Variants in LRRFIP1 observed in about 807,000 individuals in gnomAD.
The protein encoded by LRRFIP1 is leucine-rich repeat flightless-interacting protein 1.
A neutral mutation model predicts 104.4 loss-of-function variants in LRRFIP1; 62 were observed. The ratio of observed to expected loss-of-function variants is 0.59; its 90% CI spans 0.48 to 0.73. The LOEUF (loss-of-function observed/expected upper bound fraction) is 0.73. Among genes scored for constraint, LRRFIP1 ranks in the 30% least tolerant of loss-of-function variants. The probability of loss-of-function intolerance (pLI) is 0.00; values close to 1 mark genes in which losing one functional copy is unlikely to be tolerated. For synonymous variants in LRRFIP1, 300 were observed against 299.0 expected, an observed-to-expected ratio of 1.00 and a Z score of -0.03; for missense variants, 796 against 824.5, an observed-to-expected ratio of 0.97 and a Z score of 0.42.
chr2:237,759,037 CAT>C (rs1255723175), intron 18 of LRRFIP1, among the ~76,000 whole-genome samples: 2 of 152,170 alleles, frequency 1.3e-5, no homozygotes, highest in Admixed American at 6.5e-5. Flanking sequence ...TGTTAATAAA[CAT>C]AGCCAATCTT....
At chr2:237,721,843 A>C (rs1315459218) in intron 6 of LRRFIP1, 2 of 152,272 alleles carry the variant, frequency 1.3e-5, no homozygotes, top group Non-Finnish European at 2.9e-5. Flanking sequence ...TGTGGTTCAA[A>C]TGTGAGGCCC....
Position 237,676,298 on chromosome 2 carries a change from GCAGTA to G in LRRFIP1, c.97-32245_97-32241del, listed in dbSNP as rs2091151163. ...TTTAAATGTACATACTTTAATGCAA[GCAGTA>G]TTGCATGACACCAGCCTGCCTTCTT... On this transcript the variant is annotated intron_variant, in intron 1 of 23. Transcript: ENST00000308482. Among the ~76,000 whole-genome samples the G allele has an allele frequency of 2.5e-4, 38 of 152,284 alleles. No homozygotes were observed. The South Asian group carries it at 7.5e-3, about 30-fold the overall frequency.
chr2:237,700,368 C>T (rs557924494), intron 1 of LRRFIP1, among the ~76,000 whole-genome samples: 2 of 152,318 alleles, frequency 1.3e-5, no homozygotes, highest in East Asian at 3.9e-4. Flanking sequence ...GTGGCCACTT[C>T]AGGCTTCGGC....
At chr2:237,747,920 A>C (rs550462443) in intron 11 of LRRFIP1, among the ~76,000 whole-genome samples, 1 of 152,262 alleles carries the variant, frequency 6.6e-6, no homozygotes, top group East Asian at 1.9e-4. Flanking sequence ...CCTGCAAACA[A>C]ACAAACAAAC....
intron 1 of LRRFIP1, among the ~76,000 whole-genome samples, chr2:237,698,438 A>G (rs760991971): frequency 6.6e-6 from 1 of 152,222 alleles, no homozygotes; most frequent in Non-Finnish European, 1.5e-5. Flanking sequence ...TCAGACCTTT[A>G]CTGAGAACAG....
At chr2:237,638,922 TG>T (rs748087550) in intron 1 of LRRFIP1, among the ~76,000 whole-genome samples, 28 of 152,244 alleles carry the variant, frequency 1.8e-4, no homozygotes, top group Non-Finnish European at 3.4e-4. Context: ...GGAACCTTTG[TG>T]GGGCTGTGGC....
chr2:237,759,246 T>C (rs1231745745), intron 18 of LRRFIP1, among the ~76,000 whole-genome samples: 1 of 152,100 alleles, frequency 6.6e-6, no homozygotes, highest in Non-Finnish European at 1.5e-5. Context: ...TGAGACCTAC[T>C]AGATTACAGG....
intron 1 of LRRFIP1, among the ~76,000 whole-genome samples, chr2:237,700,664 T>C (rs944925980): frequency 2.0e-5 from 3 of 152,234 alleles, no homozygotes; most frequent in African/African-American, 7.2e-5. Context: ...TGAGGAGAGC[T>C]GCTGTTCATG....
intron 1 of LRRFIP1, among the ~76,000 whole-genome samples, chr2:237,693,992 C>G (rs867484740): frequency 5.9e-5 from 9 of 152,196 alleles, no homozygotes; most frequent in Non-Finnish European, 1.0e-4. Context: ...GTGATCAGCC[C>G]AGGCCCACTG....
rs1285899632 is a variant in LRRFIP1, at chr2:237,717,393, C to T, written c.202-369C>T. Reference sequence around the variant, plus strand: ...GCTTCTCTTCGATGGTGTTTTATTCCTTCATCGCGTTTGCTTTGAAGGCAT... The same window carrying T: ...GCTTCTCTTCGATGGTGTTTTATTCTTTCATCGCGTTTGCTTTGAAGGCAT... On this transcript the variant is annotated intron_variant, in intron 3 of 23. Coordinates refer to ENST00000308482, the MANE Select transcript of LRRFIP1 (RefSeq NM_001137550.2). The surrounding 1 kb of genome is among the most constrained non-coding windows in gnomAD (Gnocchi z 4.2). Among the ~76,000 whole-genome samples the T allele has an allele frequency of 6.6e-6, 1 of 152,226 alleles. No individual in the cohort carries two copies. The highest frequency in any genetic ancestry group is 2.4e-5 in the African/African-American group (1 of 41,468).
At chr2:237,668,575 T>C (rs970105652) in intron 1 of LRRFIP1, among the ~76,000 whole-genome samples, 2 of 152,154 alleles carry the variant, frequency 1.3e-5, no homozygotes, top group Non-Finnish European at 2.9e-5. Context: ...ACTCCAGTTG[T>C]ACCGAGCTAC....
chr2:237,730,165 C>T (rs1186877233), intron 8 of LRRFIP1, among the ~76,000 whole-genome samples: 18 of 152,108 alleles, frequency 1.2e-4, no homozygotes, highest in Non-Finnish European at 2.4e-4. Context: ...GAAGAATGCT[C>T]TTGAATTCTT....
intron 8 of LRRFIP1, among the ~76,000 whole-genome samples, chr2:237,732,127 TCTC>T (rs1474227352): frequency 3.9e-5 from 6 of 152,212 alleles, no homozygotes; most frequent in African/African-American, 1.4e-4. Flanking sequence ...TTTGGCCCCA[TCTC>T]CTAGTTTTGT....
intron 2 of LRRFIP1, 58 bp from the exon 3 acceptor site, chr2:237,714,201 T>C (rs370076477): frequency 2.7e-5 from 33 of 1,218,070 alleles, no homozygotes; most frequent in African/African-American, 6.1e-5. Flanking sequence ...TTCATTCTGA[T>C]GTTACTGCTT....
At chr2:237,712,609 G>A (rs777152563) in intron 2 of LRRFIP1, among the ~76,000 whole-genome samples, 6 of 152,230 alleles carry the variant, frequency 3.9e-5, no homozygotes, top group Non-Finnish European at 7.3e-5. Flanking sequence ...GAATGTACTC[G>A]TGTGTGCGCA....
At chr2:237,737,693 A>T (rs565893433) in intron 10 of LRRFIP1, among the ~76,000 whole-genome samples, 3 of 152,340 alleles carry the variant, frequency 2.0e-5, no homozygotes, top group African/African-American at 7.2e-5. Context: ...CTTCTGCTTT[A>T]AAGTGTTGAC....
intron 11 of LRRFIP1, among the ~76,000 whole-genome samples, chr2:237,742,893 T>A (rs964615609): frequency 1.3e-5 from 2 of 151,914 alleles, no homozygotes; most frequent in Non-Finnish European, 2.9e-5. Flanking sequence ...AGGCAGGGAG[T>A]TTCAGAACCC....
At chr2:237,709,309 A>G (rs2093962470) in intron 2 of LRRFIP1, among the ~76,000 whole-genome samples, 1 of 152,200 alleles carries the variant, frequency 6.6e-6, no homozygotes, top group Admixed American at 6.5e-5. Flanking sequence ...TCAGAGACAT[A>G]GAAGCTGAGA....
intron 1 of LRRFIP1, among the ~76,000 whole-genome samples, chr2:237,659,579 A>G (rs1368246351): frequency 6.7e-6 from 1 of 148,226 alleles, no homozygotes; most frequent in Non-Finnish European, 1.5e-5. Flanking sequence ...AATTTTATAT[A>G]TATTTATATT....
Sources: allele counts gnomAD v4.1 joint callset (sites outside exome capture counted in the v4.1 genomes callset), GRCh38; gene constraint gnomAD v4.1.1; non-coding constraint Gnocchi (gnomAD v3.1); transcripts MANE v1.5; gene names NCBI Gene and HGNC (gene_info 2026-07-23, HGNC 2026-07-21).